LMBRD1: variants seen among roughly 807,000 people sequenced by gnomAD.
LMBRD1 encodes the protein lysosomal cobalamin transport escort protein LMBD1.
Under a neutral mutation model 74.8 loss-of-function variants are expected in LMBRD1, and 64 were observed. The ratio of observed to expected loss-of-function variants is 0.86; its 90% CI spans 0.70 to 1.05. The LOEUF is 1.05. Among genes scored for constraint, LMBRD1 ranks in the 50% least tolerant of loss-of-function variants. LMBRD1 has a pLI of 0.00. For missense variants in LMBRD1, 652 were observed against 645.9 expected, an observed-to-expected ratio of 1.01 and a Z score of -0.10; for synonymous variants, 204 against 216.3, an observed-to-expected ratio of 0.94 and a Z score of 0.50.
intron 7 of LMBRD1, among the ~76,000 whole-genome samples, chr6:69,734,290 T>C (rs1207014217): frequency 6.6e-6 from 1 of 152,334 alleles, no homozygotes; most frequent in Admixed American, 6.5e-5. Context: ...CTGGTTGTTT[T>C]ATCAATATCC....
Position 69,676,034 on chromosome 6 carries a change from G to A in LMBRD1, c.*124C>T. 1 of 726,280 alleles carries A rather than the reference G, an allele frequency of 1.4e-6. No homozygotes were observed. Among genetic ancestry groups the A allele is most frequent in the Non-Finnish European group, 2.5e-6 (1 of 406,766 alleles). The allele number at this position is 726,280 out of a possible 1,614,324, so 45.0% of individuals were successfully genotyped here. ...AGAAAACATATAATAAAATATAGTT[G>A]TCTTATAGCCATGCTCCCATTTTTG... On this transcript the variant is annotated 3_prime_UTR_variant, in exon 16 of 16. Coordinates refer to ENST00000649934, the MANE Select transcript of LMBRD1 (RefSeq NM_018368.4).
At chr6:69,706,432 T>C (rs1048006819) in intron 9 of LMBRD1, among the ~76,000 whole-genome samples, 2 of 152,242 alleles carry the variant, frequency 1.3e-5, no homozygotes, top group African/African-American at 4.8e-5. Flanking sequence ...TTTCTAGTTT[T>C]AACGCACTGC....
chr6:69,736,132 G>A (rs1442073784), intron 7 of LMBRD1, among the ~76,000 whole-genome samples: 1 of 151,912 alleles, frequency 6.6e-6, no homozygotes, highest in Non-Finnish European at 1.5e-5. Context: ...TTGACCACTG[G>A]GAGACACATC....
rs1765937568 is a variant in LMBRD1, at chr6:69,786,048, C to T, written c.246+4248G>A. Among the ~76,000 whole-genome samples the T allele has an allele frequency of 3.9e-5, 6 of 152,300 alleles. No individual in the cohort carries two copies. In the South Asian group the frequency reaches 1.0e-3, roughly 26 times the overall value. On this transcript the variant is annotated intron_variant, in intron 2 of 15. Coordinates refer to ENST00000649934, the MANE Select transcript of LMBRD1 (RefSeq NM_018368.4). Reference sequence around the variant, plus strand: ...AACCTGACTAGACTCTCATATCAATCTATTTCCTCATAGAATTTATCACTA... The same window carrying T: ...AACCTGACTAGACTCTCATATCAATTTATTTCCTCATAGAATTTATCACTA...
intron 7 of LMBRD1, among the ~76,000 whole-genome samples, chr6:69,722,967 C>G (rs9446158): frequency 0.011 from 1,598 of 152,078 alleles, 36 homozygotes; most frequent in African/African-American, 0.034. Flanking sequence ...CAAAGACATA[C>G]AGACTGGAAT....
chr6:69,720,612 G>A (rs770053566), intron 7 of LMBRD1, among the ~76,000 whole-genome samples: 1 of 151,918 alleles, frequency 6.6e-6, no homozygotes, highest in African/African-American at 2.4e-5. Context: ...TGGTATATTT[G>A]GTATATTGAG....
At chr6:69,756,029 T>TA (rs1159205043) in intron 3 of LMBRD1, among the ~76,000 whole-genome samples, 2 of 152,084 alleles carry the variant, frequency 1.3e-5, no homozygotes, top group Non-Finnish European at 2.9e-5. Flanking sequence ...ACAACTTTTT[T>TA]AAAAAATGGG....
At chr6:69,696,658 T>C (rs1766007507) in intron 14 of LMBRD1, among the ~76,000 whole-genome samples, 1 of 152,088 alleles carries the variant, frequency 6.6e-6, no homozygotes, top group South Asian at 2.1e-4. Context: ...GCTATCTCTT[T>C]CCTGAAACGT....
At chr6:69,779,529 T>C (rs972790403) in intron 3 of LMBRD1, among the ~76,000 whole-genome samples, 1 of 152,094 alleles carries the variant, frequency 6.6e-6, no homozygotes, top group Non-Finnish European at 1.5e-5. Context: ...AGAGTAAAGT[T>C]GATAGTACAA....
At chr6:69,731,213 A>G (rs1477823669) in intron 7 of LMBRD1, among the ~76,000 whole-genome samples, 2 of 152,132 alleles carry the variant, frequency 1.3e-5, no homozygotes, top group African/African-American at 2.4e-5. Flanking sequence ...ACAAAAGTAC[A>G]GTTAAATAGA....
chr6:69,700,493 C>A (rs1398582648), intron 12 of LMBRD1, among the ~76,000 whole-genome samples: 1 of 151,836 alleles, frequency 6.6e-6, no homozygotes, highest in Admixed American at 6.6e-5. Flanking sequence ...CTGGCCCCTA[C>A]CCACTACATG....
chr6:69,765,359 A>T (rs67438720), intron 3 of LMBRD1, among the ~76,000 whole-genome samples: 54,600 of 151,966 alleles, frequency 0.36, 10,428 homozygotes, highest in East Asian at 0.54. Flanking sequence ...CCCAGCAAAA[A>T]TTTTTTTAAT....
At chr6:69,727,250 C>T (rs1166356263) in intron 7 of LMBRD1, among the ~76,000 whole-genome samples, 1 of 152,136 alleles carries the variant, frequency 6.6e-6, no homozygotes, top group African/African-American at 2.4e-5. Flanking sequence ...AGAAGAGATA[C>T]CGAATTTGCC....
At chr6:69,740,935 A>G (rs1017565638) in intron 6 of LMBRD1, among the ~76,000 whole-genome samples, 3 of 152,116 alleles carry the variant, frequency 2.0e-5, no homozygotes, top group African/African-American at 7.2e-5. Context: ...TTTTCTGTAA[A>G]AACCTAGGTC....
chr6:69,744,125 T>C (rs1245782330), intron 5 of LMBRD1, among the ~76,000 whole-genome samples: 1 of 152,216 alleles, frequency 6.6e-6, no homozygotes, highest in Non-Finnish European at 1.5e-5. Context: ...TAAAGTATAC[T>C]AAATGAAATG....
chr6:69,702,067 A>T (rs1766144852), intron 9 of LMBRD1, 114 bp from the exon 10 acceptor site: 1 of 690,966 alleles, frequency 1.4e-6, no homozygotes, highest in East Asian at 2.8e-5. Flanking sequence ...AACAAAAACA[A>T]TCTAAGATAC....
intron 7 of LMBRD1, among the ~76,000 whole-genome samples, chr6:69,722,804 T>C (rs917546676): frequency 7.9e-5 from 12 of 152,068 alleles, no homozygotes; most frequent in African/African-American, 2.9e-4. Context: ...ATAACCAGAA[T>C]ATAAATAACA....
chr6:69,744,202 C>G (rs574584769), intron 5 of LMBRD1, among the ~76,000 whole-genome samples: 53 of 152,240 alleles, frequency 3.5e-4, no homozygotes, highest in African/African-American at 1.3e-3. Context: ...GGTGCACATA[C>G]TTTTAAAATC....
intron 14 of LMBRD1, among the ~76,000 whole-genome samples, chr6:69,678,704 C>T (rs1765597094): frequency 6.6e-6 from 1 of 152,004 alleles, no homozygotes; most frequent in African/African-American, 2.4e-5. Context: ...CAAGAAAATA[C>T]ACCTTTAGTT....
Sources: gnomAD v4.1 joint callset for allele counts (sites outside exome capture counted in the v4.1 genomes callset) on GRCh38, gnomAD v4.1.1 for gene constraint, MANE v1.5 for transcripts, NCBI Gene and HGNC (gene_info 2026-07-23, HGNC 2026-07-21) for gene names.